Variants in C8orf89 observed in about 807,000 individuals in gnomAD.
C8orf89 encodes the protein chromosome 8 open reading frame 89.
A neutral mutation model predicts 15.8 loss-of-function variants in C8orf89; 14 were observed. The observed-to-expected ratio is 0.89, with a 90% CI of 0.59 to 1.39. The LOEUF (loss-of-function observed/expected upper bound fraction) is 1.39, where lower values mean the gene tolerates loss of function less well. Ranked by LOEUF, C8orf89 falls within the 40% of genes most tolerant of loss-of-function variation. The pLI, the probability that C8orf89 is intolerant of heterozygous loss-of-function variation, is 0.00. For missense variants in C8orf89, 181 were observed against 184.5 expected, an observed-to-expected ratio of 0.98 and a Z score of 0.11; for synonymous variants, 55 against 62.2, an observed-to-expected ratio of 0.88 and a Z score of 0.54.
At chr8:73,250,219 G>GTATA (rs1339729587) in intron 3 of C8orf89, 49 bp downstream of exon 3, 5 of 1,178,106 alleles carry the variant, frequency 4.2e-6, no homozygotes, top group Admixed American at 2.2e-5. Context: ...AAAAGATAAG[G>GTATA]TATATGACAC....
At chr8:73,243,838 AC>A (rs1813063647) in intron 3 of C8orf89, among the ~76,000 whole-genome samples, 2 of 152,150 alleles carry the variant, frequency 1.3e-5, no homozygotes, top group South Asian at 4.1e-4. Context: ...TTTTAATGCT[AC>A]TTTATAAAAT....
intron 2 of C8orf89, among the ~76,000 whole-genome samples, chr8:73,256,748 A>G (rs1813398160): frequency 6.6e-6 from 1 of 150,898 alleles, no homozygotes; most frequent in Non-Finnish European, 1.5e-5. Flanking sequence ...AAAAAAAAAA[A>G]AGCCCTTAAA....
rs1813475666 is a variant in C8orf89, at chr8:73,259,325, A to C, written c.127+7T>G. The C allele has an allele frequency of 6.8e-7, 1 of 1,475,898 alleles. No individual in the cohort carries two copies. Among genetic ancestry groups the C allele is most frequent in the Non-Finnish European group, 9.1e-7 (1 of 1,103,064 alleles). The allele number at this position is 1,475,898 out of a possible 1,614,324, so 91.4% of individuals were successfully genotyped here. A position where few individuals can be genotyped will look rare whatever the true frequency, so the allele number is the denominator to read the frequency against. ...TTTCTTAAGGAAAATAATAACAATA[A>C]AGTTACCTTTCTTAATCTTTTGTGT... On this transcript the variant is annotated splice_region_variant and intron_variant, in intron 1 of 3. Coordinates refer to ENST00000624510, the MANE Select transcript of C8orf89 (RefSeq NM_001243237.3).
chr8:73,284,579 AAAAC>A, the C8orf89 span, among the ~76,000 whole-genome samples: 2 of 152,294 alleles, frequency 1.3e-5, no homozygotes, highest in African/African-American at 4.8e-5. Flanking sequence ...TTATGACCAA[AAAAC>A]AAAGGAAAAA....
intron 3 of C8orf89, 47 bp downstream of exon 3, chr8:73,250,220 TA>T (rs1387580886): frequency 9.2e-6 from 11 of 1,198,566 alleles, no homozygotes; most frequent in Non-Finnish European, 1.3e-5. Flanking sequence ...AAAGATAAGG[TA>T]TATGACACCC....
chr8:73,257,823 A>G (rs1813432421), intron 1 of C8orf89, among the ~76,000 whole-genome samples: 1 of 152,270 alleles, frequency 6.6e-6, no homozygotes, highest in Admixed American at 6.5e-5. Context: ...TCTACAAAGC[A>G]AGTGTAGCAC....
the C8orf89 span, among the ~76,000 whole-genome samples, chr8:73,265,241 T>A: frequency 6.6e-6 from 1 of 152,352 alleles, no homozygotes; most frequent in Middle Eastern, 3.4e-3. Flanking sequence ...CAGAAATTTT[T>A]AAATTACATA....
chr8:73,261,844 C>T (rs980572816), upstream of C8orf89, among the ~76,000 whole-genome samples: 1 of 152,160 alleles, frequency 6.6e-6, no homozygotes, highest in African/African-American at 2.4e-5. Flanking sequence ...CCTGTCCTGC[C>T]AGGTCCTCTG....
chr8:73,262,608 G>A (rs1157521536), upstream of C8orf89, among the ~76,000 whole-genome samples: 3 of 151,970 alleles, frequency 2.0e-5, no homozygotes, highest in African/African-American at 7.2e-5. Context: ...CTTGAGGCCA[G>A]AAGTTTAAGA....
Position 73,241,564 on chromosome 8 carries a change from A to T in C8orf89, c.379T>A (p.Tyr127Asn), listed in dbSNP as rs750132062. Residue 127 changes from tyrosine (Y) to asparagine (N), a missense_variant, in exon 4 of 4, where the codon TAC becomes AAC. Transcript: ENST00000624510. ...GCTATTTTGGAAAGTCTCTCTAAGT[A>T]TTGAGATGGTGCTCCAGTGAGAGGA... Reference protein sequence around the residue: ...SDPLTGAPSQYLERLSKIAIL... With the variant: ...SDPLTGAPSQNLERLSKIAIL... The T allele has an allele frequency of 6.5e-6, 10 of 1,532,612 alleles. No homozygotes were observed. Among genetic ancestry groups the T allele is most frequent in the Non-Finnish European group, 7.9e-6 (9 of 1,144,794 alleles). The allele number at this position is 1,532,612 out of a possible 1,614,324, so 94.9% of individuals were successfully genotyped here.
chr8:73,260,015 T>C (rs1332273132), upstream of C8orf89, among the ~76,000 whole-genome samples: 1 of 152,224 alleles, frequency 6.6e-6, no homozygotes. Context: ...AAATGCCTAT[T>C]TTTCCAGGAT....
At chr8:73,271,661 A>G in the C8orf89 span, among the ~76,000 whole-genome samples, 14 of 152,212 alleles carry the variant, frequency 9.2e-5, no homozygotes, top group Admixed American at 9.2e-4. Context: ...AACACTAAAC[A>G]TACTAAGACA....
At chr8:73,251,425 C>T (rs1586163674) in intron 2 of C8orf89, among the ~76,000 whole-genome samples, 1 of 152,152 alleles carries the variant, frequency 6.6e-6, no homozygotes. Flanking sequence ...ACTACAACAG[C>T]TAAAATGAAG....
intron 2 of C8orf89, 66 bp from the exon 3 acceptor site, chr8:73,250,389 T>C: frequency 1.2e-6 from 1 of 847,244 alleles, no homozygotes; most frequent in Non-Finnish European, 1.9e-6. Flanking sequence ...AACTCACTTG[T>C]TGAATAACAT....
the C8orf89 span, among the ~76,000 whole-genome samples, chr8:73,266,471 C>G: frequency 2.7e-4 from 41 of 152,330 alleles, 1 homozygote; most frequent in South Asian, 7.9e-3. Context: ...GGCCAGACCT[C>G]TCAAGGCTGG....
At chr8:73,264,315 A>G (rs987037389), upstream of C8orf89, among the ~76,000 whole-genome samples, 11 of 152,230 alleles carry the variant, frequency 7.2e-5, no homozygotes, top group Admixed American at 5.9e-4. Context: ...TGCTCTGCAC[A>G]TGTCCACAGG....
chr8:73,254,137 C>T (rs1323720028), intron 2 of C8orf89, among the ~76,000 whole-genome samples: 2 of 152,188 alleles, frequency 1.3e-5, no homozygotes, highest in African/African-American at 4.8e-5. Context: ...GAGTTTTTAG[C>T]ATGAAGAGTT....
the C8orf89 span, among the ~76,000 whole-genome samples, chr8:73,282,367 C>T: frequency 3.3e-5 from 5 of 152,070 alleles, no homozygotes; most frequent in Non-Finnish European, 5.9e-5. Flanking sequence ...ATATTACTTT[C>T]GGGGGAGATT....
At chr8:73,284,535 G>A in the C8orf89 span, among the ~76,000 whole-genome samples, 1 of 151,864 alleles carries the variant, frequency 6.6e-6, no homozygotes, top group Admixed American at 6.6e-5. Flanking sequence ...AGTGAAAAAA[G>A]ACATTTCTCA....
Sources: allele counts gnomAD v4.1 joint callset (sites outside exome capture counted in the v4.1 genomes callset), GRCh38; gene constraint gnomAD v4.1.1; transcripts MANE v1.5; gene names NCBI Gene and HGNC (gene_info 2026-07-23, HGNC 2026-07-21).